The following PTPRT variants were observed in gnomAD, a reference collection of about 807,000 sequenced individuals.
PTPRT encodes protein tyrosine phosphatase receptor type T.
Under a neutral mutation model 176.8 loss-of-function variants are expected in PTPRT, and 56 were observed. That is an observed-to-expected ratio of 0.32 (90% CI 0.26 to 0.40). The LOEUF is 0.40. Ranked by LOEUF, PTPRT falls within the 10% of genes least tolerant of loss-of-function variation. The pLI is 1.00. For synonymous variants in PTPRT, 783 were observed against 739.0 expected, an observed-to-expected ratio of 1.06 and a Z score of -0.96; for missense variants, 1,540 against 1,908.2, an observed-to-expected ratio of 0.81 and a Z score of 3.60.
rs985900492 is a variant in PTPRT, at chr20:42,448,418, CT to C, written c.1451-90del. 10 of 953,904 alleles carry C rather than the reference CT, an allele frequency of 1.0e-5. No homozygotes were observed. In the African/African-American group the frequency reaches 1.5e-4, roughly 14 times the overall value. The allele number at this position is 953,904 out of a possible 1,614,324, so 59.1% of individuals were successfully genotyped here. A position where few individuals can be genotyped will look rare whatever the true frequency, so the allele number is the denominator to read the frequency against. On this transcript the variant is annotated intron_variant, in intron 8 of 30. Coordinates refer to ENST00000373187, the MANE Select transcript of PTPRT (RefSeq NM_007050.6). ...CCTAGAACAGGGGTTGACAAAGTTGCTGTAAAGAACCAGATAGTAAATATTT... is the reference window on the plus strand; with the variant it reads ...CCTAGAACAGGGGTTGACAAAGTTGCGTAAAGAACCAGATAGTAAATATTT...
intron 1 of PTPRT, among the ~76,000 whole-genome samples, chr20:42,899,255 T>C (rs1321642453): frequency 1.3e-5 from 2 of 152,160 alleles, no homozygotes; most frequent in Non-Finnish European, 2.9e-5. Flanking sequence ...CCATGGGTCA[T>C]CCCCCGTCTC....
At chr20:42,446,362 TA>T (rs34912972) in intron 9 of PTPRT, among the ~76,000 whole-genome samples, 1 of 152,200 alleles carries the variant, frequency 6.6e-6, no homozygotes, top group African/African-American at 2.4e-5. Flanking sequence ...ATGTCTTTTA[TA>T]AAACGATGTA....
chr20:42,169,781 C>A (rs1989996557), intron 16 of PTPRT, among the ~76,000 whole-genome samples: 1 of 146,582 alleles, frequency 6.8e-6, no homozygotes, highest in African/African-American at 2.5e-5. Flanking sequence ...CACACACACA[C>A]ACACACACAC....
At chr20:42,865,425 T>A (rs1399660439) in intron 2 of PTPRT, among the ~76,000 whole-genome samples, 1 of 152,206 alleles carries the variant, frequency 6.6e-6, no homozygotes, top group African/African-American at 2.4e-5. Context: ...ACTTCACTCA[T>A]CCCCTAACTC....
chr20:43,127,974 C>T (rs2146372508), intron 1 of PTPRT, among the ~76,000 whole-genome samples: 1 of 152,286 alleles, frequency 6.6e-6, no homozygotes, highest in South Asian at 2.1e-4. Context: ...GGAGATACTG[C>T]TAGTTCTTTG....
At chr20:42,596,365 T>C (rs1292371511) in intron 7 of PTPRT, among the ~76,000 whole-genome samples, 1 of 152,210 alleles carries the variant, frequency 6.6e-6, no homozygotes, top group African/African-American at 2.4e-5. Flanking sequence ...TATTAATAGT[T>C]CAGGTATCAT....
the PTPRT span, among the ~76,000 whole-genome samples, chr20:42,042,314 C>A: frequency 0.62 from 94,898 of 152,050 alleles, 30,691 homozygotes; most frequent in African/African-American, 0.79. Flanking sequence ...TAGGCCCAAA[C>A]GATGGTTTTA....
chr20:42,589,401 G>A (rs533604778), intron 7 of PTPRT, among the ~76,000 whole-genome samples: 4 of 152,142 alleles, frequency 2.6e-5, no homozygotes, highest in Admixed American at 1.3e-4. Context: ...AGCAAGTTCC[G>A]TTCTTCAATT....
At chr20:43,116,623 C>T (rs1443080637) in intron 1 of PTPRT, among the ~76,000 whole-genome samples, 1 of 152,178 alleles carries the variant, frequency 6.6e-6, no homozygotes, top group African/African-American at 2.4e-5. Context: ...TGAGCCCTCA[C>T]CCCAGGACTG....
intron 1 of PTPRT, among the ~76,000 whole-genome samples, chr20:43,153,890 CGAATGAAGCCAGCCTCTCA>C (rs2014441014): frequency 6.6e-6 from 1 of 152,094 alleles, no homozygotes; most frequent in Non-Finnish European, 1.5e-5. Flanking sequence ...GAAAGAGGAG[CGAATGAAGCCAGCCTCTCA>C]GAATCAGGTG....
At chr20:42,042,955 C>T in the PTPRT span, among the ~76,000 whole-genome samples, 1 of 152,224 alleles carries the variant, frequency 6.6e-6, no homozygotes, top group Non-Finnish European at 1.5e-5. Flanking sequence ...CAGGTATGTG[C>T]TTTCAGGAAG....
chr20:42,542,229 A>G (rs993785391), intron 7 of PTPRT, among the ~76,000 whole-genome samples: 19 of 152,182 alleles, frequency 1.2e-4, no homozygotes, highest in African/African-American at 4.6e-4. Flanking sequence ...TATTAGCAGC[A>G]TAAGAACAGA....
intron 13 of PTPRT, among the ~76,000 whole-genome samples, chr20:42,254,859 A>G (rs1429219065): frequency 6.6e-6 from 1 of 152,128 alleles, no homozygotes; most frequent in Non-Finnish European, 1.5e-5. Flanking sequence ...CCTCATGTCT[A>G]CAGGATGCTG....
At chr20:43,188,746 T>C (rs1211208971) in intron 1 of PTPRT, among the ~76,000 whole-genome samples, 1 of 47,564 alleles carries the variant, frequency 2.1e-5, no homozygotes, top group Admixed American at 2.2e-4. Flanking sequence ...CCGCCGCTAC[T>C]CTTGGGGGGG....
At chr20:43,067,605 A>G (rs1374946097) in intron 1 of PTPRT, among the ~76,000 whole-genome samples, 2 of 152,048 alleles carry the variant, frequency 1.3e-5, no homozygotes, top group African/African-American at 4.8e-5. Context: ...GAACCAAGTA[A>G]TGCTTACAGG....
At chr20:42,254,460 T>C (rs1447025020) in intron 13 of PTPRT, among the ~76,000 whole-genome samples, 4 of 152,158 alleles carry the variant, frequency 2.6e-5, no homozygotes, top group Non-Finnish European at 5.9e-5. Context: ...GATTATTGAC[T>C]TTGAAGGTAC....
intron 11 of PTPRT, among the ~76,000 whole-genome samples, chr20:42,341,972 G>A (rs1248669932): frequency 6.6e-6 from 1 of 152,186 alleles, no homozygotes; most frequent in African/African-American, 2.4e-5. Flanking sequence ...TTGGTAAGCT[G>A]AGTTGTTGGT....
At chr20:42,988,091 T>C (rs1324548833) in intron 1 of PTPRT, among the ~76,000 whole-genome samples, 1 of 152,084 alleles carries the variant, frequency 6.6e-6, no homozygotes, top group Non-Finnish European at 1.5e-5. Flanking sequence ...TGGAACAACA[T>C]GGGAGGGATT....
At chr20:42,183,826 T>G (rs542500677) in intron 16 of PTPRT, among the ~76,000 whole-genome samples, 4 of 152,342 alleles carry the variant, frequency 2.6e-5, no homozygotes, top group African/African-American at 9.6e-5. Flanking sequence ...TGGCTAGTTC[T>G]GAGCCTAGTT....
Sources: allele counts gnomAD v4.1 joint callset (sites outside exome capture counted in the v4.1 genomes callset), GRCh38; gene constraint gnomAD v4.1.1; transcripts MANE v1.5; gene names NCBI Gene and HGNC (gene_info 2026-07-23, HGNC 2026-07-21).